DCTN3: variants seen among roughly 807,000 people sequenced by gnomAD.
DCTN3 encodes the protein dynactin subunit 3, also known as dynactin 3 (p22).
In DCTN3, 25 loss-of-function variants were observed where a neutral mutation model predicts 28.4. The ratio of observed to expected loss-of-function variants is 0.88; its 90% confidence interval spans 0.64 to 1.23. DCTN3 has a LOEUF of 1.23. DCTN3 is among the 50% of genes most tolerant of loss of function. The pLI, the probability that DCTN3 is intolerant of heterozygous loss-of-function variation, is 0.00. For synonymous variants in DCTN3, 81 were observed against 91.4 expected (o/e 0.89, Z 0.65); for missense variants, 229 against 232.0 (o/e 0.99, Z 0.08).
intron 3 of DCTN3, 120 bp downstream of exon 3, chr9:34,617,765 C>T (rs1226184664): frequency 6.5e-7 from 1 of 1,536,004 alleles, no homozygotes; most frequent in Non-Finnish European, 8.8e-7. Flanking sequence ...GCCACAATTC[C>T]AGAGAGCAGC....
chr9:34,614,883 G>A (rs553387283), intron 4 of DCTN3, 115 bp from the exon 5 acceptor site: 360 of 1,283,732 alleles, frequency 2.8e-4, no homozygotes, highest in African/African-American at 1.0e-3. Context: ...CTAAACAAAC[G>A]CCAGACTTCA....
chr9:34,618,534 T>G (rs1375468684), intron 2 of DCTN3, 142 bp downstream of exon 2: 1 of 677,798 alleles, frequency 1.5e-6, no homozygotes, highest in African/African-American at 1.8e-5. Context: ...CCAATTGAAT[T>G]GGGTGTAGGT....
chr9:34,619,026 C>T (rs1347656545), intron 1 of DCTN3, among the ~76,000 whole-genome samples: 2 of 152,172 alleles, frequency 1.3e-5, no homozygotes, highest in African/African-American at 4.8e-5. Flanking sequence ...AGAGTATACA[C>T]AATATATTTT....
At position 34,618,768 on chromosome 9, in the gene DCTN3, G is replaced by A; in HGVS notation, c.97-8C>T. 1 of 1,612,306 alleles carries A rather than the reference G, an allele frequency of 6.2e-7. No individual in the cohort carries two copies. Among genetic ancestry groups the A allele is most frequent in the South Asian group, 1.1e-5 (1 of 91,044 alleles). Reference sequence around the variant, plus strand: ...GACCAGGCCGTCAGCCACCTGTAAGGGAAGTGGTGGTTAATTCCAAGATAT... The same window carrying A: ...GACCAGGCCGTCAGCCACCTGTAAGAGAAGTGGTGGTTAATTCCAAGATAT... On this transcript the variant is annotated splice_polypyrimidine_tract_variant and splice_region_variant and intron_variant, in intron 1 of 6. Transcript: ENST00000259632.
At chr9:34,619,585 G>A (rs1291200585) in intron 1 of DCTN3, among the ~76,000 whole-genome samples, 1 of 152,176 alleles carries the variant, frequency 6.6e-6, no homozygotes, top group African/African-American at 2.4e-5. Context: ...GCCGTAAGAG[G>A]TAGAAGGAAA....
rs901409620 is a variant in DCTN3, at chr9:34,616,229, C to A, written c.269-116G>T. 1.4e-6 allele frequency: 1 copy of A among 711,924 alleles called. No individual in the cohort carries two copies. 44.1% of individuals were successfully genotyped at this position (711,924 alleles called of 1,614,324 possible). A position where few individuals can be genotyped will look rare whatever the true frequency, so the allele number is the denominator to read the frequency against. ...GATGGCTAGGTCCTAGAGCTTTGGA[C>A]AGTGACTCTGTCCACTGCCCCCTTC... On this transcript the variant is annotated intron_variant, in intron 3 of 6. Transcript: ENST00000259632. The surrounding 1 kb of genome is among the most constrained non-coding windows in gnomAD (Gnocchi z 4.7).
intron 1 of DCTN3, 61 bp from the exon 2 acceptor site, chr9:34,618,821 T>A: frequency 1.5e-6 from 2 of 1,318,540 alleles, no homozygotes; most frequent in Non-Finnish European, 2.2e-6. Flanking sequence ...TTGGAAAAGT[T>A]AAAGAACCCT....
At position 34,617,628 on chromosome 9, in the gene DCTN3, G is replaced by A. The variant is rs1235391839; in HGVS notation, c.268+257C>T. The A allele has an allele frequency of 2.9e-6, 4 of 1,403,172 alleles. No homozygotes were observed. In the East Asian group the frequency reaches 1.1e-4, roughly 37 times the overall value. 86.9% of individuals were successfully genotyped at this position (1,403,172 alleles called of 1,614,324 possible). ...GAAGGTTCTGAAGGAAAATCCAAGA[G>A]GCAAACTATTGATAGAACACTGGAC... On this transcript the variant is annotated intron_variant, in intron 3 of 6. Transcript: ENST00000259632.
intron 5 of DCTN3, 99 bp downstream of exon 5, chr9:34,614,611 A>G: frequency 2.2e-6 from 3 of 1,388,144 alleles, no homozygotes; most frequent in Non-Finnish European, 2.0e-6. Flanking sequence ...TGCTGAGGTT[A>G]CAACAGAAAG....
At chr9:34,614,256 T>C in intron 5 of DCTN3, 155 bp from the exon 6 acceptor site, 1 of 1,539,954 alleles carries the variant, frequency 6.5e-7, no homozygotes. Context: ...TGGGAGCACT[T>C]TCAGGCTCCA....
chr9:34,617,901 C>T lies in DCTN3; in HGVS notation c.252G>A (p.Leu84=). The change falls in exon 3 of 7, where the codon CTG becomes CTA. Residue 84 remains leucine, a synonymous_variant. Coordinates refer to ENST00000259632, the MANE Select transcript of DCTN3 (RefSeq NM_007234.5). ...CAGCATTACCTGCTAGGATGAATTG[C>T]AGCTTAGAGGCATCAGGTATGGCAA... is the stretch of plus-strand genomic sequence containing the variant. ...DRIAIPDASK[L]QFILAEEQFI... The T allele has an allele frequency of 6.2e-7, 1 of 1,613,918 alleles. No individual in the cohort carries two copies. Among genetic ancestry groups the T allele is most frequent in the African/African-American group, 1.3e-5 (1 of 75,036 alleles).
At position 34,613,682 on chromosome 9, in the gene DCTN3, C is replaced by G; in HGVS notation, c.*100G>C. On this transcript the variant is annotated 3_prime_UTR_variant, in exon 7 of 7. Transcript: ENST00000259632. ...GAGTACAGAGAGGTGGGCCTTGAAG[C>G]CAATAAATACAAAGCTTCCTCTGCC... 2.0e-6 allele frequency: 3 copies of G among 1,508,860 alleles called. No homozygotes were observed. Among genetic ancestry groups the G allele is most frequent in the Non-Finnish European group, 2.7e-6 (3 of 1,117,036 alleles). The allele number at this position is 1,508,860 out of a possible 1,614,324, so 93.5% of individuals were successfully genotyped here.
chr9:34,618,252 A>C (rs1820468717), intron 2 of DCTN3, among the ~76,000 whole-genome samples: 1 of 152,040 alleles, frequency 6.6e-6, no homozygotes, highest in Admixed American at 6.5e-5. Context: ...TATCCTCACC[A>C]AGGGTAGAAG....
intron 5 of DCTN3, 89 bp from the exon 6 acceptor site, chr9:34,614,190 C>A: frequency 6.2e-7 from 1 of 1,608,816 alleles, no homozygotes; most frequent in South Asian, 1.1e-5. Context: ...CTCCCACTCC[C>A]CATGGAGCCT....
rs749724188 is a variant in DCTN3, at chr9:34,614,111, C to G, written c.412-10G>C. The G allele has an allele frequency of 6.2e-7, 1 of 1,614,078 alleles. No homozygotes were observed. Among genetic ancestry groups the G allele is most frequent in the South Asian group, 1.1e-5 (1 of 91,080 alleles). On this transcript the variant is annotated splice_polypyrimidine_tract_variant and intron_variant, in intron 5 of 6. Coordinates refer to ENST00000259632, the MANE Select transcript of DCTN3 (RefSeq NM_007234.5). ...TTTCCACACACTGGTCCTGTAGGGC[C>G]AAAGTGTAGCACAGAAAGGAACTGG...
At chr9:34,614,398 G>T in intron 5 of DCTN3, 1 of 647,886 alleles carries the variant, frequency 1.5e-6, no homozygotes, top group Non-Finnish European at 2.6e-6. Context: ...TTACACTAGG[G>T]CCTGGGAATA....
chr9:34,616,167 A>G lies in DCTN3; in HGVS notation c.269-54T>C. The G allele has an allele frequency of 6.9e-7, 1 of 1,447,100 alleles. No homozygotes were observed. Among genetic ancestry groups the G allele is most frequent in the Non-Finnish European group, 9.7e-7 (1 of 1,032,118 alleles). 89.6% of individuals were successfully genotyped at this position (1,447,100 alleles called of 1,614,324 possible). A position where few individuals can be genotyped will look rare whatever the true frequency, so the allele number is the denominator to read the frequency against. Reference sequence around the variant, plus strand: ...AGTGAAGCAAACCTGGGCATTGCTAATCAGCCCATGTAAGGGCCTGAGGAC... The same window carrying G: ...AGTGAAGCAAACCTGGGCATTGCTAGTCAGCCCATGTAAGGGCCTGAGGAC... On this transcript the variant is annotated intron_variant, in intron 3 of 6. Transcript: ENST00000259632. This position sits in a 1 kb window ranked among gnomAD's most constrained non-coding sequence, Gnocchi z 4.7.
At position 34,613,746 on chromosome 9, in the gene DCTN3, G is replaced by A. The variant is rs1820355253; in HGVS notation, c.*36C>T. ...AGGTTGGCATAGGGCCCTGGAGCCT[G>A]ACTGCCCAGGCCCACTTTGGGATGG... On this transcript the variant is annotated 3_prime_UTR_variant, in exon 7 of 7. Transcript: ENST00000259632. 6.2e-7 allele frequency: 1 copy of A among 1,612,056 alleles called. No individual in the cohort carries two copies. Among genetic ancestry groups the A allele is most frequent in the African/African-American group, 1.3e-5 (1 of 75,026 alleles).
chr9:34,617,787 G>A lies in DCTN3; in HGVS notation c.268+98C>T, dbSNP rs1820456198. On this transcript the variant is annotated intron_variant, in intron 3 of 6. Coordinates refer to ENST00000259632, the MANE Select transcript of DCTN3 (RefSeq NM_007234.5). ...TTCCAGAGAGCAGCATCCAGGGCTT[G>A]TATCCACCAGAAGACTGGATGGAGA... The A allele has an allele frequency of 3.2e-6, 5 of 1,562,720 alleles. No individual in the cohort carries two copies. The South Asian group carries it at 3.5e-5, about 11-fold the overall frequency.
Sources: allele counts gnomAD v4.1 joint callset (sites outside exome capture counted in the v4.1 genomes callset), GRCh38; gene constraint gnomAD v4.1.1; non-coding constraint Gnocchi (gnomAD v3.1); transcripts MANE v1.5; gene names NCBI Gene and HGNC (gene_info 2026-07-23, HGNC 2026-07-21).